DPYD: variants seen among roughly 807,000 people sequenced by gnomAD.
DPYD encodes the protein dihydropyrimidine dehydrogenase.
In DPYD, 109 loss-of-function variants were observed where a neutral mutation model predicts 116.2. The ratio of observed to expected loss-of-function variants is 0.94; its 90% CI spans 0.80 to 1.10. The LOEUF is 1.10. DPYD is among the 50% of genes least tolerant of loss of function. The probability of loss-of-function intolerance (pLI) is 0.00; values close to 1 mark genes in which losing one functional copy is unlikely to be tolerated. For missense variants in DPYD, 1,302 were observed against 1,254.5 expected (o/e 1.04, Z -0.57); for synonymous variants, 440 against 432.0 (o/e 1.02, Z -0.23).
intron 6 of DPYD, among the ~76,000 whole-genome samples, chr1:97,696,063 G>A (rs866071849): frequency 6.2e-4 from 94 of 151,608 alleles, no homozygotes; most frequent in African/African-American, 1.7e-3. Context: ...CCCGGAGGTG[G>A]AGGTTGCAGT....
At chr1:97,278,585 C>T (rs1264302511) in intron 18 of DPYD, among the ~76,000 whole-genome samples, 3 of 152,148 alleles carry the variant, frequency 2.0e-5, no homozygotes, top group Non-Finnish European at 4.4e-5. Flanking sequence ...ATTAAACCCC[C>T]AAACAGATTT....
intron 3 of DPYD, among the ~76,000 whole-genome samples, chr1:97,748,841 G>T (rs963023977): frequency 1.3e-5 from 2 of 152,040 alleles, no homozygotes; most frequent in Non-Finnish European, 2.9e-5. Context: ...TTTCCCCATG[G>T]TAATGGTATG....
intron 19 of DPYD, among the ~76,000 whole-genome samples, chr1:97,206,734 TTA>T (rs1478870158): frequency 1.4e-5 from 2 of 143,858 alleles, no homozygotes; most frequent in Non-Finnish European, 3.0e-5. Context: ...GTTTATATGT[TTA>T]TGTTAATGTA....
At chr1:97,905,611 T>G (rs1245106081) in intron 1 of DPYD, among the ~76,000 whole-genome samples, 1 of 152,030 alleles carries the variant, frequency 6.6e-6, no homozygotes, top group Non-Finnish European at 1.5e-5. Context: ...TGACATGATG[T>G]AGAGAAGTGA....
intron 3 of DPYD, chr1:97,798,125 T>C (rs929877954): frequency 6.6e-6 from 1 of 152,034 alleles, no homozygotes; most frequent in Non-Finnish European, 1.5e-5. Flanking sequence ...ATTTGTTAAA[T>C]AATTGAAAAA....
intron 11 of DPYD, among the ~76,000 whole-genome samples, chr1:97,557,208 T>G (rs1364724225): frequency 6.6e-6 from 1 of 151,984 alleles, no homozygotes; most frequent in African/African-American, 2.4e-5. Flanking sequence ...GGGCTGTTTG[T>G]TTTTTTCTTG....
In DPYD at chr1:97,793,121, T is replaced by C. The variant is rs549470478; in HGVS notation, c.233+34993A>G. On this transcript the variant is annotated intron_variant, in intron 3 of 22. Coordinates refer to ENST00000370192, the MANE Select transcript of DPYD (RefSeq NM_000110.4). ...GTGTAGGTGGGAAATCTCTATATAG[T>C]GTACTGTCTCTGCTATTTTTCTGTA... 7.9e-5 allele frequency among the ~76,000 whole-genome samples: 12 copies of C among 152,294 alleles called. No homozygotes were observed. The South Asian group carries it at 2.5e-3, about 32-fold the overall frequency.
intron 20 of DPYD, among the ~76,000 whole-genome samples, chr1:97,111,420 A>G (rs950501216): frequency 6.6e-6 from 1 of 151,614 alleles, no homozygotes; most frequent in African/African-American, 2.4e-5. Flanking sequence ...CACTCCAGCC[A>G]TATTGTTCTT....
At chr1:97,751,495 T>TATATATATA (rs1249923789) in intron 3 of DPYD, among the ~76,000 whole-genome samples, 3 of 135,254 alleles carry the variant, frequency 2.2e-5, no homozygotes, top group East Asian at 2.1e-4. Flanking sequence ...TATATATATA[T>TATATATATA]GGCAGGGGAC....
intron 8 of DPYD, among the ~76,000 whole-genome samples, chr1:97,668,175 A>C (rs1389390646): frequency 6.6e-6 from 1 of 152,160 alleles, no homozygotes; most frequent in African/African-American, 2.4e-5. Flanking sequence ...TGTACTTACC[A>C]CAATTTTTAA....
intron 13 of DPYD, among the ~76,000 whole-genome samples, chr1:97,457,661 A>T (rs1276872138): frequency 6.6e-6 from 1 of 152,162 alleles, no homozygotes; most frequent in Non-Finnish European, 1.5e-5. Context: ...TCAAAACAAA[A>T]GTTGTGGGAG....
At chr1:97,397,132 A>C (rs1475265149) in intron 14 of DPYD, among the ~76,000 whole-genome samples, 5 of 152,026 alleles carry the variant, frequency 3.3e-5, no homozygotes, top group Non-Finnish European at 7.4e-5. Context: ...ATTATTAATA[A>C]ATTTTTTAAA....
intron 8 of DPYD, among the ~76,000 whole-genome samples, chr1:97,622,582 T>C (rs1656694293): frequency 6.6e-6 from 1 of 152,014 alleles, no homozygotes; most frequent in South Asian, 2.1e-4. Flanking sequence ...TGGACCTTAG[T>C]TAATAATAAC....
intron 8 of DPYD, among the ~76,000 whole-genome samples, chr1:97,634,355 A>G (rs911684516): frequency 7.2e-5 from 11 of 152,178 alleles, no homozygotes; most frequent in Admixed American, 2.0e-4. Flanking sequence ...AGGAACACCA[A>G]CAAAAACTTT....
Position 97,920,960 on chromosome 1 carries a change from C to G in DPYD, c.-38G>C. Reference sequence around the variant, plus strand: ...AGTCTCGAGTCTGCCAGTGACAAACCCTCCTTGCGTCCTCAAGCTCCAGCC... The same window carrying G: ...AGTCTCGAGTCTGCCAGTGACAAACGCTCCTTGCGTCCTCAAGCTCCAGCC... On this transcript the variant is annotated 5_prime_UTR_variant, in exon 1 of 23. Coordinates refer to ENST00000370192, the MANE Select transcript of DPYD (RefSeq NM_000110.4). 6.4e-7 allele frequency: 1 copy of G among 1,565,988 alleles called. No homozygotes were observed. Among genetic ancestry groups the G allele is most frequent in the Non-Finnish European group, 8.7e-7 (1 of 1,155,488 alleles).
chr1:97,727,510 G>A (rs546344112), intron 4 of DPYD, among the ~76,000 whole-genome samples: 39 of 151,696 alleles, frequency 2.6e-4, no homozygotes, highest in African/African-American at 9.4e-4. Flanking sequence ...TAGATGATGT[G>A]GAAATTCTCA....
intron 8 of DPYD, among the ~76,000 whole-genome samples, chr1:97,634,816 C>T (rs1240519054): frequency 6.6e-6 from 1 of 151,774 alleles, no homozygotes; most frequent in Non-Finnish European, 1.5e-5. Flanking sequence ...AGCCTATTCA[C>T]TGTCTGGATA....
rs956863923 is a variant in DPYD, at chr1:97,365,883, C to T, written c.2058+7678G>A. On this transcript the variant is annotated intron_variant, in intron 16 of 22. Coordinates refer to ENST00000370192, the MANE Select transcript of DPYD (RefSeq NM_000110.4). ...TCCTTAGCTCAAGCAATCTTCCTGC[C>T]TCAGCCTCCCAAAGTGCTGGCATAC... is the stretch of plus-strand genomic sequence containing the variant. Among the ~76,000 whole-genome samples the T allele has an allele frequency of 2.0e-5, 3 of 152,130 alleles. No homozygotes were observed. In the East Asian group the frequency reaches 5.8e-4, roughly 29 times the overall value.
intron 4 of DPYD, among the ~76,000 whole-genome samples, chr1:97,729,166 G>T (rs1344111178): frequency 1.3e-5 from 2 of 151,992 alleles, no homozygotes; most frequent in African/African-American, 4.8e-5. Flanking sequence ...TTGATCCTGA[G>T]ATATTTAACT....
Sources: allele counts gnomAD v4.1 joint callset (sites outside exome capture counted in the v4.1 genomes callset), GRCh38; gene constraint gnomAD v4.1.1; transcripts MANE v1.5; gene names NCBI Gene and HGNC (gene_info 2026-07-23, HGNC 2026-07-21).